The following PKIB variants were observed in gnomAD, a reference collection of about 807,000 sequenced individuals.
PKIB encodes cAMP-dependent protein kinase inhibitor beta.
A neutral mutation model predicts 4.5 loss-of-function variants in PKIB; 2 were observed. The ratio of observed to expected loss-of-function variants is 0.44; its 90% CI spans 0.18 to 1.39. The LOEUF (loss-of-function observed/expected upper bound fraction) is 1.39, where lower values mean the gene tolerates loss of function less well. PKIB is among the 40% of genes most tolerant of loss of function. The pLI is 0.27. For missense variants in PKIB, 94 were observed against 92.6 expected, an observed-to-expected ratio of 1.02 and a Z score of -0.06; for synonymous variants, 38 against 36.0, an observed-to-expected ratio of 1.06 and a Z score of -0.20.
chr6:122,713,156 TA>T (rs1423161241), intron 3 of PKIB, among the ~76,000 whole-genome samples: 6 of 152,150 alleles, frequency 3.9e-5, no homozygotes, highest in African/African-American at 1.4e-4. Context: ...ATATTTTCAA[TA>T]GAGATAGAAG....
At chr6:122,641,409 A>C (rs1776115090) in intron 2 of PKIB, among the ~76,000 whole-genome samples, 1 of 152,182 alleles carries the variant, frequency 6.6e-6, no homozygotes, top group Admixed American at 6.5e-5. Context: ...ACATCATTCT[A>C]ATTTATGGCT....
chr6:122,606,465 G>A (rs1774537909), upstream of PKIB, among the ~76,000 whole-genome samples: 1 of 151,938 alleles, frequency 6.6e-6, no homozygotes, highest in African/African-American at 2.4e-5. Context: ...CGTGCTACTT[G>A]GGAGGCTGAG....
chr6:122,491,863 G>C (rs1775942686), intron 2 of PKIB, among the ~76,000 whole-genome samples: 1 of 152,070 alleles, frequency 6.6e-6, no homozygotes, highest in South Asian at 2.1e-4. Flanking sequence ...AGAAAGATTT[G>C]AGCTGAATTT....
At chr6:122,523,612 A>T (rs1032071698) in intron 2 of PKIB, among the ~76,000 whole-genome samples, 2 of 152,062 alleles carry the variant, frequency 1.3e-5, no homozygotes, top group African/African-American at 4.8e-5. Context: ...GTGAAAACCC[A>T]TCTCTACTAA....
upstream of PKIB, among the ~76,000 whole-genome samples, chr6:122,607,487 C>CAGAGAG (rs1774583069): frequency 6.6e-6 from 1 of 152,078 alleles, no homozygotes; most frequent in African/African-American, 2.4e-5. Context: ...CACTGCACTC[C>CAGAGAG]AGCCTGGGTG....
chr6:122,722,130 A>G (rs1278919962), intron 4 of PKIB, among the ~76,000 whole-genome samples: 1 of 152,204 alleles, frequency 6.6e-6, no homozygotes, highest in East Asian at 1.9e-4. Context: ...CACATAATAT[A>G]TGAAAAATCA....
At chr6:122,696,446 A>G (rs749769293) in intron 3 of PKIB, among the ~76,000 whole-genome samples, 2 of 152,210 alleles carry the variant, frequency 1.3e-5, no homozygotes, top group African/African-American at 2.4e-5. Flanking sequence ...TCTAAGGAAC[A>G]TCCAAATGTA....
intron 2 of PKIB, among the ~76,000 whole-genome samples, chr6:122,638,464 C>CGTT (rs765920930): frequency 1.7e-4 from 26 of 152,242 alleles, no homozygotes; most frequent in Non-Finnish European, 3.7e-4. Context: ...CTGGCCAATG[C>CGTT]GTTGACTCCT....
rs183273427 is a variant in PKIB, at chr6:122,567,427, C to A, written c.-247-18494C>A. 7.9e-4 allele frequency among the ~76,000 whole-genome samples: 120 copies of A among 152,202 alleles called. 1 individual carries two copies. The highest frequency in any genetic ancestry group is 2.6e-3 in the African/African-American group (110 of 41,532). On this transcript the variant is annotated intron_variant, in intron 2 of 6. Coordinates refer to the PKIB transcript ENST00000392491. Reference sequence around the variant, plus strand: ...TGTTTTCTGTTCCTTGTTTCTATTCCCCAGTCCTTTGCCATGGTTCCCTGT... The same window carrying A: ...TGTTTTCTGTTCCTTGTTTCTATTCACCAGTCCTTTGCCATGGTTCCCTGT...
chr6:122,578,675 G>A (rs1370014187), intron 2 of PKIB, among the ~76,000 whole-genome samples: 1 of 152,066 alleles, frequency 6.6e-6, no homozygotes, highest in Non-Finnish European at 1.5e-5. Flanking sequence ...CATTGTGCAT[G>A]GTTAATAATG....
intron 2 of PKIB, among the ~76,000 whole-genome samples, chr6:122,486,068 A>G (rs970710842): frequency 1.3e-5 from 2 of 152,332 alleles, no homozygotes; most frequent in South Asian, 2.1e-4. Context: ...TGTAACCTCC[A>G]CATTACCCCC....
intron 2 of PKIB, among the ~76,000 whole-genome samples, chr6:122,509,335 C>T (rs1047890104): frequency 2.0e-5 from 3 of 151,918 alleles, no homozygotes; most frequent in Admixed American, 6.6e-5. Context: ...TTAATAAATG[C>T]TTGTTTAACC....
chr6:122,586,245 G>A (rs1308193046), intron 3 of PKIB: 1 of 152,010 alleles, frequency 6.6e-6, no homozygotes, highest in Non-Finnish European at 1.5e-5. Flanking sequence ...AACCAAGGAT[G>A]GCATTATCAA....
At chr6:122,618,980 A>G (rs1178611422) in intron 1 of PKIB, among the ~76,000 whole-genome samples, 2 of 152,172 alleles carry the variant, frequency 1.3e-5, no homozygotes, top group East Asian at 3.8e-4. Context: ...AAATTTAGAA[A>G]TCAGTGGGAA....
At chr6:122,580,263 A>G (rs902188019) in intron 2 of PKIB, among the ~76,000 whole-genome samples, 3 of 152,294 alleles carry the variant, frequency 2.0e-5, no homozygotes, top group African/African-American at 7.2e-5. Flanking sequence ...AACATTTTCT[A>G]CTATCTTAAA....
intron 2 of PKIB, among the ~76,000 whole-genome samples, chr6:122,667,466 G>A (rs1356292104): frequency 6.6e-6 from 1 of 152,102 alleles, no homozygotes; most frequent in East Asian, 1.9e-4. Context: ...GAACCCGGGA[G>A]GCGGAGCTTG....
At chr6:122,530,795 C>T (rs1411875015) in intron 2 of PKIB, among the ~76,000 whole-genome samples, 1 of 152,220 alleles carries the variant, frequency 6.6e-6, no homozygotes, top group Non-Finnish European at 1.5e-5. Flanking sequence ...GTCAACTCTC[C>T]TGTTTTTGGC....
At chr6:122,581,218 G>A (rs1773692943) in intron 2 of PKIB, among the ~76,000 whole-genome samples, 1 of 152,112 alleles carries the variant, frequency 6.6e-6, no homozygotes, top group Admixed American at 6.6e-5. Context: ...CTACATAGAG[G>A]ACAGAATAGA....
intron 4 of PKIB, among the ~76,000 whole-genome samples, chr6:122,718,522 C>A (rs983068142): frequency 2.0e-5 from 3 of 152,010 alleles, no homozygotes; most frequent in Non-Finnish European, 4.4e-5. Context: ...CATTTAAAAA[C>A]CCTCATGGAG....
Sources: allele counts gnomAD v4.1 joint callset (sites outside exome capture counted in the v4.1 genomes callset), GRCh38; gene constraint gnomAD v4.1.1; transcripts MANE v1.5; gene names NCBI Gene and HGNC (gene_info 2026-07-23, HGNC 2026-07-21).